Variants in C1orf87 observed in about 807,000 individuals in gnomAD.
C1orf87 encodes chromosome 1 open reading frame 87, also known as uncharacterized protein C1orf87.
C1orf87 carries 58 observed loss-of-function variants against 60.5 expected under a neutral mutation model. The ratio of observed to expected loss-of-function variants is 0.96; its 90% confidence interval spans 0.78 to 1.19. C1orf87 has a LOEUF of 1.19. Ranked by LOEUF, C1orf87 falls within the 50% of genes most tolerant of loss-of-function variation. C1orf87 has a pLI of 0.00. For missense variants in C1orf87, 673 were observed against 638.6 expected (o/e 1.05, Z -0.58); for synonymous variants, 236 against 227.4 (o/e 1.04, Z -0.34).
chr1:60,022,955 C>A (rs143774587), intron 8 of C1orf87, among the ~76,000 whole-genome samples: 206 of 152,242 alleles, frequency 1.4e-3, no homozygotes, highest in Admixed American at 3.8e-3. Context: ...AAGATTTCTT[C>A]ATGCTACTCA....
chr1:60,051,337 C>T (rs1024848332), intron 3 of C1orf87, among the ~76,000 whole-genome samples: 1 of 152,160 alleles, frequency 6.6e-6, no homozygotes, highest in Non-Finnish European at 1.5e-5. Flanking sequence ...TCATGTTGTG[C>T]TTGGCCATGT....
At chr1:60,064,604 C>T (rs1645523160) in intron 2 of C1orf87, among the ~76,000 whole-genome samples, 2 of 89,030 alleles carry the variant, frequency 2.2e-5, no homozygotes, top group Non-Finnish European at 4.1e-5. Flanking sequence ...TATATATGTC[C>T]TATATATAAA....
chr1:60,012,447 A>T (rs944545365), intron 8 of C1orf87, among the ~76,000 whole-genome samples: 1 of 152,122 alleles, frequency 6.6e-6, no homozygotes, highest in African/African-American at 2.4e-5. Context: ...TAGGACTTAC[A>T]TGACCAATAC....
chr1:60,068,926 T>G (rs1202373377), intron 2 of C1orf87, among the ~76,000 whole-genome samples: 3 of 152,170 alleles, frequency 2.0e-5, no homozygotes, highest in Admixed American at 6.5e-5. Context: ...GCATGGGCCT[T>G]TAGATTTGGA....
In C1orf87 at chr1:60,055,360, G is replaced by A. The variant is rs765563714; in HGVS notation, c.186C>T (p.Ser62=). The A allele has an allele frequency of 1.8e-5, 29 of 1,614,004 alleles. No individual in the cohort carries two copies. In the South Asian group the frequency reaches 3.1e-4, roughly 17 times the overall value. ...KPMTDNARQM[S]RDTPVPINFT... ...AGTTAATGGGAACTGGGGTGTCTCT[G>A]CTCATCTGCCTTGCATTATCAGTCA... Residue 62 remains serine, a synonymous_variant, in exon 3 of 12, where the codon AGC becomes AGT. Transcript: ENST00000371201.
At chr1:60,008,915 TGG>T in intron 9 of C1orf87, 1 of 278,684 alleles carries the variant, frequency 3.6e-6, no homozygotes, top group South Asian at 3.1e-5. Context: ...ACCATCTGTG[TGG>T]TGACACTAGC....
chr1:60,064,335 T>TATATATGTA (rs1321583951), intron 2 of C1orf87, among the ~76,000 whole-genome samples: 1 of 71,212 alleles, frequency 1.4e-5, no homozygotes, highest in East Asian at 7.0e-4. Context: ...TTATATATAC[T>TATATATGTA]ATATATGTAA....
In C1orf87 at chr1:60,039,676, A is replaced by T. The variant is rs558017297; in HGVS notation, c.747+241T>A. ...ACTACCCTAACATTGTTAAAAGCTG[A>T]CAATGCAAGTTGGGGCAGGGAGGAC... is the stretch of plus-strand genomic sequence containing the variant. On this transcript the variant is annotated intron_variant, in intron 5 of 11. Coordinates refer to ENST00000371201, the MANE Select transcript of C1orf87 (RefSeq NM_152377.3). Among the ~76,000 whole-genome samples the T allele has an allele frequency of 1.1e-4, 16 of 152,330 alleles. No individual in the cohort carries two copies. The South Asian group carries it at 2.9e-3, about 28-fold the overall frequency.
chr1:60,073,044 G>T (rs1034079520), intron 1 of C1orf87, among the ~76,000 whole-genome samples: 2 of 152,128 alleles, frequency 1.3e-5, no homozygotes, highest in African/African-American at 4.8e-5. Flanking sequence ...AGAAACAAGG[G>T]CATTAGTGGG....
chr1:59,992,065 C>G (rs1377637357), intron 11 of C1orf87, among the ~76,000 whole-genome samples: 1 of 151,864 alleles, frequency 6.6e-6, no homozygotes, highest in Non-Finnish European at 1.5e-5. Flanking sequence ...AGGAACTGCT[C>G]CAAGCATTTC....
At chr1:60,070,547 G>T (rs555941581) in intron 2 of C1orf87, among the ~76,000 whole-genome samples, 14 of 152,172 alleles carry the variant, frequency 9.2e-5, no homozygotes, top group African/African-American at 2.2e-4. Context: ...AAGCATTTAA[G>T]AATTATTTAT....
intron 8 of C1orf87, among the ~76,000 whole-genome samples, chr1:60,020,361 G>A (rs1557463392): frequency 6.6e-6 from 1 of 152,172 alleles, no homozygotes; most frequent in Admixed American, 6.5e-5. Context: ...TCCACTGACA[G>A]CTTGCAACCG....
At position 60,072,654 on chromosome 1, in the gene C1orf87, A is replaced by G. The variant is rs201888074; in HGVS notation, c.-11T>C. 36 of 1,589,406 alleles carry G rather than the reference A, an allele frequency of 2.3e-5. No individual in the cohort carries two copies. The highest frequency in any genetic ancestry group is 3.1e-5 in the Non-Finnish European group (36 of 1,165,198). On this transcript the variant is annotated 5_prime_UTR_variant, in exon 2 of 12. Transcript: ENST00000371201. ...CCAGGCTGAAGACATGATTCCTTTC[A>G]AAATCCCTTCAGATCCCTAGGGGTG...
At chr1:60,031,266 G>A (rs2100284162) in intron 7 of C1orf87, among the ~76,000 whole-genome samples, 2 of 152,224 alleles carry the variant, frequency 1.3e-5, no homozygotes, top group South Asian at 4.2e-4. Flanking sequence ...CTCATGTTCT[G>A]GGGAAACAGA....
intron 9 of C1orf87, among the ~76,000 whole-genome samples, chr1:60,002,121 G>C (rs998252315): frequency 1.3e-5 from 2 of 152,046 alleles, no homozygotes; most frequent in Non-Finnish European, 2.9e-5. Flanking sequence ...ATTAACAAAT[G>C]TATATTATTT....
intron 5 of C1orf87, among the ~76,000 whole-genome samples, chr1:60,039,211 TA>T (rs1304236690): frequency 4.6e-5 from 7 of 152,184 alleles, no homozygotes; most frequent in Non-Finnish European, 1.0e-4. Context: ...CCTTCTTTTT[TA>T]AGGTTTGTGC....
At chr1:60,021,653 T>C (rs1411505898) in intron 8 of C1orf87, among the ~76,000 whole-genome samples, 7 of 152,214 alleles carry the variant, frequency 4.6e-5, no homozygotes, top group Non-Finnish European at 8.8e-5. Flanking sequence ...CTAGACACTT[T>C]GGATACATCA....
intron 7 of C1orf87, among the ~76,000 whole-genome samples, chr1:60,026,752 A>T (rs980354345): frequency 6.6e-6 from 1 of 152,222 alleles, no homozygotes; most frequent in Non-Finnish European, 1.5e-5. Flanking sequence ...AAACATAACT[A>T]CAGTTGAGCA....
chr1:60,050,221 C>T lies in C1orf87; in HGVS notation c.342+4983G>A, dbSNP rs1029394792. Among the ~76,000 whole-genome samples the T allele has an allele frequency of 1.4e-4, 21 of 152,028 alleles. No homozygotes were observed. In the Middle Eastern group the frequency reaches 0.01, roughly 74 times the overall value. On this transcript the variant is annotated intron_variant, in intron 3 of 11. Transcript: ENST00000371201. ...TATAAATTACCCTAGGGAGGATTGA[C>T]GTTTTGATGATGTTAACATTTTATG... is the stretch of plus-strand genomic sequence containing the variant.
Sources: gnomAD v4.1 joint callset for allele counts (sites outside exome capture counted in the v4.1 genomes callset) on GRCh38, gnomAD v4.1.1 for gene constraint, MANE v1.5 for transcripts, NCBI Gene and HGNC (gene_info 2026-07-23, HGNC 2026-07-21) for gene names.